Variants in DNAJB6 observed in about 807,000 individuals in gnomAD.
The protein encoded by DNAJB6 is dnaJ homolog subfamily B member 6.
In DNAJB6, 16 loss-of-function variants were observed where a neutral mutation model predicts 42.7. The ratio of observed to expected loss-of-function variants is 0.37; its 90% CI spans 0.25 to 0.57. The LOEUF is 0.57. Ranked by LOEUF, DNAJB6 falls within the 20% of genes least tolerant of loss-of-function variation. The pLI is 0.74. For synonymous variants in DNAJB6, 170 were observed against 163.5 expected, an observed-to-expected ratio of 1.04 and a Z score of -0.30; for missense variants, 347 against 416.8, an observed-to-expected ratio of 0.83 and a Z score of 1.46.
intron 8 of DNAJB6, among the ~76,000 whole-genome samples, chr7:157,400,357 C>CGTGT (rs1554467456): frequency 4.6e-5 from 7 of 152,032 alleles, no homozygotes; most frequent in African/African-American, 1.4e-4. Context: ...CCCGCGCCTT[C>CGTGT]ATGGACACGC....
At chr7:157,391,359 G>A (rs778309328) in intron 8 of DNAJB6, among the ~76,000 whole-genome samples, 1 of 152,230 alleles carries the variant, frequency 6.6e-6, no homozygotes, top group Non-Finnish European at 1.5e-5. Flanking sequence ...CCAGGCCTCT[G>A]AGAAAGTCAG....
intron 1 of DNAJB6, among the ~76,000 whole-genome samples, chr7:157,352,672 G>A (rs545003191): frequency 1.7e-4 from 26 of 152,032 alleles, no homozygotes; most frequent in Non-Finnish European, 3.1e-4. Flanking sequence ...CATCCACTCC[G>A]TGTATTACTG....
chr7:157,346,921 T>C (rs1054637015), intron 1 of DNAJB6, among the ~76,000 whole-genome samples: 4 of 152,208 alleles, frequency 2.6e-5, no homozygotes, highest in Non-Finnish European at 5.9e-5. Context: ...AGTGGTGCGA[T>C]CTCGGCGCAC....
intron 8 of DNAJB6, among the ~76,000 whole-genome samples, chr7:157,399,726 T>C (rs558191462): frequency 3.3e-5 from 5 of 152,162 alleles, no homozygotes; most frequent in Admixed American, 6.5e-5. Flanking sequence ...TGGAGAGCAA[T>C]GGCACAGTTG....
At chr7:157,405,486 G>T (rs1217107592) in intron 8 of DNAJB6, among the ~76,000 whole-genome samples, 2 of 152,188 alleles carry the variant, frequency 1.3e-5, no homozygotes, top group Admixed American at 6.5e-5. Context: ...GGAGGCGAAT[G>T]GGCCAGGGTG....
Position 157,344,108 on chromosome 7 carries a change from A to G in DNAJB6, c.-27+6964A>G, listed in dbSNP as rs187283398. 1.6e-4 allele frequency among the ~76,000 whole-genome samples: 24 copies of G among 152,276 alleles called. 1 individual carries two copies. In the East Asian group the frequency reaches 3.5e-3, roughly 22 times the overall value. On this transcript the variant is annotated intron_variant, in intron 1 of 9. Coordinates refer to ENST00000262177, the MANE Select transcript of DNAJB6 (RefSeq NM_058246.4). Reference sequence around the variant, plus strand: ...GTAATCCCAGTACTTTGGGAGGCCAAGGTGGTCAGATCACAAGGTCAGGAG... The same window carrying G: ...GTAATCCCAGTACTTTGGGAGGCCAGGGTGGTCAGATCACAAGGTCAGGAG...
intron 8 of DNAJB6, chr7:157,385,995 G>A (rs1168844096): frequency 9.2e-6 from 9 of 982,980 alleles, no homozygotes; most frequent in Non-Finnish European, 1.1e-5. Context: ...TGAAATGTGA[G>A]CCACGTAGTG....
intron 8 of DNAJB6, among the ~76,000 whole-genome samples, chr7:157,395,394 C>T (rs1224172258): frequency 1.3e-5 from 2 of 152,232 alleles, no homozygotes; most frequent in Non-Finnish European, 2.9e-5. Flanking sequence ...ATTGCATGGG[C>T]AGCTTCTCTG....
chr7:157,343,316 T>A (rs931948253), intron 1 of DNAJB6, among the ~76,000 whole-genome samples: 1 of 152,038 alleles, frequency 6.6e-6, no homozygotes, highest in African/African-American at 2.4e-5. Flanking sequence ...CTCACCACCA[T>A]GCCTGGCTAA....
At chr7:157,383,693 A>G (rs1800908230) in intron 6 of DNAJB6, among the ~76,000 whole-genome samples, 1 of 152,052 alleles carries the variant, frequency 6.6e-6, no homozygotes, top group Non-Finnish European at 1.5e-5. Context: ...AAAGTATCAC[A>G]AGAATAAATA....
At chr7:157,375,477 T>C (rs1800424966) in intron 5 of DNAJB6, among the ~76,000 whole-genome samples, 1 of 152,218 alleles carries the variant, frequency 6.6e-6, no homozygotes, top group South Asian at 2.1e-4. Flanking sequence ...GGGAAGTAGC[T>C]AGAAATTATA....
chr7:157,406,974 GCCTGGCCCTCC>G (rs1795793540), intron 8 of DNAJB6, among the ~76,000 whole-genome samples: 2 of 152,228 alleles, frequency 1.3e-5, no homozygotes, highest in African/African-American at 2.4e-5. Context: ...TGGACCCGCA[GCCTGGCCCTCC>G]CCAGGCGATG....
At chr7:157,369,620 T>C (rs1800021414) in intron 5 of DNAJB6, 1 of 300,988 alleles carries the variant, frequency 3.3e-6, no homozygotes, top group Non-Finnish European at 6.4e-6. Flanking sequence ...CTTCTTAACA[T>C]TGTTATTAAA....
At chr7:157,340,710 T>C (rs937124162) in intron 1 of DNAJB6, among the ~76,000 whole-genome samples, 8 of 152,196 alleles carry the variant, frequency 5.3e-5, no homozygotes, top group Admixed American at 1.3e-4. Context: ...GAGTCCTTGC[T>C]CTGTGTCCCA....
At chr7:157,388,519 C>T (rs533418487) in intron 8 of DNAJB6, among the ~76,000 whole-genome samples, 2 of 152,306 alleles carry the variant, frequency 1.3e-5, no homozygotes, top group African/African-American at 4.8e-5. Flanking sequence ...CATGTGGTCC[C>T]ATCCATTCTG....
intron 1 of DNAJB6, among the ~76,000 whole-genome samples, chr7:157,350,605 G>A (rs1216973836): frequency 6.6e-6 from 1 of 152,166 alleles, no homozygotes; most frequent in African/African-American, 2.4e-5. Context: ...GCTTGAACTT[G>A]GTGATATAAA....
chr7:157,344,675 T>TAG (rs1459481348), intron 1 of DNAJB6, among the ~76,000 whole-genome samples: 2 of 152,330 alleles, frequency 1.3e-5, no homozygotes, highest in Admixed American at 6.5e-5. Context: ...AGGGCATTGG[T>TAG]GCGTTCACGT....
At chr7:157,369,294 T>G (rs1271827980) in intron 5 of DNAJB6, 1 of 456,578 alleles carries the variant, frequency 2.2e-6, no homozygotes, top group Non-Finnish European at 4.4e-6. Flanking sequence ...CGGATTGATC[T>G]CTGTCTTAAA....
chr7:157,352,769 G>A (rs12670017), intron 1 of DNAJB6, among the ~76,000 whole-genome samples: 63,078 of 152,016 alleles, frequency 0.41, 14,466 homozygotes, highest in Middle Eastern at 0.55. Flanking sequence ...AGCATCATCT[G>A]TAAACAACCA....
Sources: allele counts gnomAD v4.1 joint callset (sites outside exome capture counted in the v4.1 genomes callset), GRCh38; gene constraint gnomAD v4.1.1; transcripts MANE v1.5; gene names NCBI Gene and HGNC (gene_info 2026-07-23, HGNC 2026-07-21).